The following ARID1B variants were observed in gnomAD, a reference collection of about 807,000 sequenced individuals.
ARID1B encodes the protein AT-rich interaction domain 1B, also known as AT-rich interactive domain-containing protein 1B.
ARID1B carries 30 observed loss-of-function variants against 212.3 expected under a neutral mutation model. The observed-to-expected ratio is 0.14, with a 90% confidence interval of 0.11 to 0.19. The LOEUF (loss-of-function observed/expected upper bound fraction) is 0.19, where lower values mean the gene tolerates loss of function less well. ARID1B is among the 10% of genes least tolerant of loss of function. The probability of loss-of-function intolerance (pLI) is 1.00; values close to 1 mark genes in which losing one functional copy is unlikely to be tolerated. For missense variants in ARID1B, 2,891 were observed against 3,204.0 expected, an observed-to-expected ratio of 0.90 and a Z score of 2.36; for synonymous variants, 1,402 against 1,301.7, an observed-to-expected ratio of 1.08 and a Z score of -1.66.
chr6:157,019,116 G>A (rs1273416504), intron 4 of ARID1B, among the ~76,000 whole-genome samples: 1 of 152,180 alleles, frequency 6.6e-6, no homozygotes, highest in Non-Finnish European at 1.5e-5. Context: ...AAGAAGTCTA[G>A]ACCCAGTTCT....
intron 4 of ARID1B, among the ~76,000 whole-genome samples, chr6:157,067,535 C>T (rs941201255): frequency 2.0e-5 from 3 of 152,098 alleles, no homozygotes; most frequent in African/African-American, 2.4e-5. Flanking sequence ...TTGCTTCTCG[C>T]GAAGGTTCCT....
intron 7 of ARID1B, among the ~76,000 whole-genome samples, chr6:157,136,751 A>C (rs892650222): frequency 6.6e-6 from 1 of 151,902 alleles, no homozygotes; most frequent in African/African-American, 2.4e-5. Context: ...GGTCCCAGCT[A>C]CTTGGGAGGC....
intron 8 of ARID1B, among the ~76,000 whole-genome samples, chr6:157,156,296 A>G (rs1276772655): frequency 6.6e-6 from 1 of 152,254 alleles, no homozygotes; most frequent in Admixed American, 6.5e-5. Context: ...AAAGCCTTAA[A>G]CAGATTTTTT....
intron 4 of ARID1B, among the ~76,000 whole-genome samples, chr6:157,022,111 G>T (rs1016849808): frequency 6.6e-6 from 1 of 152,030 alleles, no homozygotes; most frequent in African/African-American, 2.4e-5. Context: ...GCAGGGCCGC[G>T]GAGCCCAGGC....
In ARID1B at chr6:156,896,600, A is replaced by AAAAG. The variant is rs1491291654; in HGVS notation, c.1987-4776_1987-4775insAAAG. 4.2e-3 allele frequency among the ~76,000 whole-genome samples: 615 copies of AAAAG among 146,194 alleles called. 7 individuals carry two copies. The highest frequency in any genetic ancestry group is 0.015 in the African/African-American group (572 of 38,734). On this transcript the variant is annotated intron_variant, in intron 2 of 19. Coordinates refer to ENST00000636930, the MANE Select transcript of ARID1B (RefSeq NM_001374828.1). ...TCAAAAAAAAAAAAAAAAAAAAAAA[A>AAAAG]GAGGACACAGTGGCTCACGCCTGTA...
chr6:157,144,482 C>T (rs372956293), intron 7 of ARID1B, among the ~76,000 whole-genome samples: 1 of 152,134 alleles, frequency 6.6e-6, no homozygotes, highest in South Asian at 2.1e-4. Context: ...GAATTAATTA[C>T]TTGTGCATTC....
At chr6:157,175,142 G>A in intron 11 of ARID1B, 137 bp downstream of exon 11, 1 of 771,206 alleles carries the variant, frequency 1.3e-6, no homozygotes, top group Non-Finnish European at 1.8e-6. Context: ...ATCCATGAAA[G>A]GGTTTTCTTT....
rs571996725 is a variant in ARID1B at position 156,902,586 on chromosome 6, A to G, written c.2136+1061A>G. Among the ~76,000 whole-genome samples the G allele has an allele frequency of 7.9e-4, 120 of 152,206 alleles. 1 individual carries two copies. In the Middle Eastern group the frequency reaches 0.01, roughly 13 times the overall value. ...GAGAGTTTATGATTTGAAGCAAAAC[A>G]TGTTAAAACAACAGCTAGGATTCGA... is the stretch of plus-strand genomic sequence containing the variant. On this transcript the variant is annotated intron_variant, in intron 3 of 19. Transcript: ENST00000636930.
At chr6:157,197,878 ATC>A (rs1407165114) in intron 16 of ARID1B, among the ~76,000 whole-genome samples, 1 of 152,178 alleles carries the variant, frequency 6.6e-6, no homozygotes, top group Non-Finnish European at 1.5e-5. Flanking sequence ...CTTTCCTCCT[ATC>A]TCTGCATTTC....
chr6:157,160,730 T>C lies in ARID1B; in HGVS notation c.3090-6310T>C, dbSNP rs140397910. ...CCCGCACCACTCTCGCTTCTTATTT[T>C]GCTCTACCGCATTTTCTCCTGGAGA... On this transcript the variant is annotated intron_variant, in intron 8 of 19. Transcript: ENST00000636930. Among the ~76,000 whole-genome samples, 61 of 152,350 alleles carry C rather than the reference T, an allele frequency of 4.0e-4. No homozygotes were observed. In the East Asian group the frequency reaches 0.011, roughly 27 times the overall value.
chr6:156,933,580 C>T (rs1303320165), intron 3 of ARID1B, among the ~76,000 whole-genome samples: 3 of 152,178 alleles, frequency 2.0e-5, no homozygotes, highest in East Asian at 3.8e-4. Context: ...AATTGTCACC[C>T]TCTGCTGGCA....
At chr6:156,965,494 G>A (rs73790977) in intron 4 of ARID1B, among the ~76,000 whole-genome samples, 5,036 of 152,256 alleles carry the variant, frequency 0.033, 275 homozygotes, top group African/African-American at 0.11. Context: ...TTTAGTAGGC[G>A]TTAACTGAAT....
At chr6:157,047,049 A>G (rs1161175154) in intron 4 of ARID1B, among the ~76,000 whole-genome samples, 1 of 152,128 alleles carries the variant, frequency 6.6e-6, no homozygotes, top group African/African-American at 2.4e-5. Context: ...TAGGAACTCT[A>G]TATTAGGTTA....
At chr6:157,026,027 A>G (rs1490678085) in intron 4 of ARID1B, among the ~76,000 whole-genome samples, 1 of 151,802 alleles carries the variant, frequency 6.6e-6, no homozygotes, top group Non-Finnish European at 1.5e-5. Flanking sequence ...TGAGTTCAAG[A>G]GATTGTCCTG....
At chr6:156,887,888 C>T (rs534508524) in intron 2 of ARID1B, among the ~76,000 whole-genome samples, 2 of 152,208 alleles carry the variant, frequency 1.3e-5, no homozygotes, top group Non-Finnish European at 2.9e-5. Flanking sequence ...TGAATGGTCT[C>T]GCTCCTCCTG....
intron 4 of ARID1B, among the ~76,000 whole-genome samples, chr6:156,982,951 G>C (rs1777694446): frequency 6.6e-6 from 1 of 152,042 alleles, no homozygotes; most frequent in Admixed American, 6.6e-5. Context: ...TTAAAGGGCT[G>C]ATTGGTAGTG....
chr6:157,163,208 AC>A (rs1791059381), intron 8 of ARID1B, among the ~76,000 whole-genome samples: 1 of 151,968 alleles, frequency 6.6e-6, no homozygotes, highest in South Asian at 2.1e-4. Flanking sequence ...TCTGGAAAGG[AC>A]CCAGCTGCTG....
At chr6:157,192,725 A>T (rs1793468481) in intron 15 of ARID1B, among the ~76,000 whole-genome samples, 2 of 152,312 alleles carry the variant, frequency 1.3e-5, no homozygotes, top group South Asian at 4.1e-4. Flanking sequence ...TCCCTAGTGT[A>T]TTTCAGTTCA....
chr6:157,102,065 G>A (rs977064768), intron 5 of ARID1B, among the ~76,000 whole-genome samples: 10 of 152,146 alleles, frequency 6.6e-5, no homozygotes, highest in African/African-American at 2.2e-4. Context: ...TTGAAAAGGG[G>A]TGAATGGTTT....
Sources: allele counts gnomAD v4.1 joint callset (sites outside exome capture counted in the v4.1 genomes callset), GRCh38; gene constraint gnomAD v4.1.1; transcripts MANE v1.5; gene names NCBI Gene and HGNC (gene_info 2026-07-23, HGNC 2026-07-21).